ISLR2: variants seen among roughly 807,000 people sequenced by gnomAD.
The protein encoded by ISLR2 is immunoglobulin superfamily containing leucine rich repeat 2, also known as immunoglobulin superfamily containing leucine-rich repeat protein 2.
In ISLR2, 16 loss-of-function variants were observed where a neutral mutation model predicts 25.5. The ratio of observed to expected loss-of-function variants is 0.63; its 90% CI spans 0.43 to 0.95. The LOEUF (loss-of-function observed/expected upper bound fraction) is 0.95, where lower values mean the gene tolerates loss of function less well. ISLR2 is among the 40% of genes least tolerant of loss of function. ISLR2 has a pLI of 0.00. For missense variants in ISLR2, 883 were observed against 1,030.7 expected (o/e 0.86, Z 1.96); for synonymous variants, 508 against 486.6 (o/e 1.04, Z -0.58).
upstream of ISLR2, among the ~76,000 whole-genome samples, chr15:74,125,238 CGTTTTTGTTTTT>C (rs1159273655): frequency 6.6e-6 from 1 of 151,894 alleles, no homozygotes; most frequent in Non-Finnish European, 1.5e-5. Flanking sequence ...TTTTTGTTTT[CGTTTTTGTTTTT>C]GTTTTGAGAC....
chr15:74,116,322 G>T (rs1205235842), intron 2 of ISLR2, among the ~76,000 whole-genome samples: 1 of 151,768 alleles, frequency 6.6e-6, no homozygotes, highest in Non-Finnish European at 1.5e-5. Flanking sequence ...CCAGCACTTT[G>T]GGAGGCCAAG....
chr15:74,118,644 C>CTATTATTATTATTAT lies in ISLR2; in HGVS notation n.229-12546_229-12532dup, dbSNP rs112112565. Among the ~76,000 whole-genome samples the CTATTATTATTATTAT allele has an allele frequency of 1.1e-3, 158 of 145,760 alleles. 1 individual carries two copies. The highest frequency in any genetic ancestry group is 3.7e-3 in the African/African-American group (150 of 40,014). ...GCAAATGAAGGGGAAAAATCTGAAG[C>CTATTATTATTATTAT]TATTATTATTATTATTATTATTATT... On this transcript the variant is annotated intron_variant and non_coding_transcript_variant, in intron 2 of 3. Coordinates refer to the ISLR2 transcript ENST00000561975.
chr15:74,133,750 C>T lies in ISLR2; in HGVS notation c.996C>T (p.Phe332=). The change falls in exon 3 of 3, where the codon TTC becomes TTT. Residue 332 remains phenylalanine (F), a synonymous_variant. Transcript: ENST00000453268. ...CGGCGCCCCCAGCCACACCGCGCTT[C>T]CTGGCCCTCGCAAATGGCTCCCTGT... ...AWPAPPATPR[F]LALANGSLLV... is the part of the protein sequence containing the mutation. 6.2e-7 allele frequency: 1 copy of T among 1,613,298 alleles called. No individual in the cohort carries two copies. Among genetic ancestry groups the T allele is most frequent in the Non-Finnish European group, 8.5e-7 (1 of 1,179,674 alleles).
upstream of ISLR2, chr15:74,128,441 C>T (rs1391546412): frequency 2.0e-5 from 9 of 456,380 alleles, no homozygotes; most frequent in Admixed American, 9.4e-5. Flanking sequence ...ACCCCAGGAG[C>T]CCCGTCTCCC....
chr15:74,141,008 T>C (rs998119526), downstream of ISLR2, among the ~76,000 whole-genome samples: 19 of 152,204 alleles, frequency 1.2e-4, no homozygotes, highest in African/African-American at 4.6e-4. Flanking sequence ...TAAAAAGCCA[T>C]CCAAAGGCCC....
In ISLR2 at chr15:74,133,407, AG is replaced by A. The variant is rs756075798; in HGVS notation, c.658del (p.Val220CysfsTer18). On this transcript the variant is annotated frameshift_variant, in exon 3 of 3. Transcript: ENST00000453268. LOFTEE classifies it low-confidence loss of function (END_TRUNC). Reference sequence around the variant, plus strand: ...GCTTGTGCCTCGCCTCCCGCGCTGCAGGGGGTGCCGGTGTACCGCCTGCCCG... The same window carrying A: ...GCTTGTGCCTCGCCTCCCGCGCTGCAGGGGTGCCGGTGTACCGCCTGCCCG... ...SIACASPPAL[Q>X]GVPVYRLPAL... The A allele has an allele frequency of 6.2e-7, 1 of 1,607,062 alleles. No individual in the cohort carries two copies. Among genetic ancestry groups the A allele is most frequent in the Non-Finnish European group, 8.5e-7 (1 of 1,179,678 alleles).
In ISLR2 at chr15:74,134,816, G is replaced by A. The variant is rs779674534; in HGVS notation, c.2062G>A (p.Gly688Arg). Reference sequence around the variant, plus strand: ...AGACGCGGAGCAGGGAGACCCAAGTGGGGACCTGCAGAGAGAGGAGAGCCT... The same window carrying A: ...AGACGCGGAGCAGGGAGACCCAAGTAGGGACCTGCAGAGAGAGGAGAGCCT... ...DEDAEQGDPS[G>R]DLQREESLAA... Residue 688 changes from glycine (G) to arginine (R), a missense_variant, in exon 3 of 3, where the codon GGG (glycine) becomes AGG (arginine). Gly to Arg is a moderately radical substitution (Grantham distance 125, BLOSUM62 -2). This residue lies in a region of ISLR2 where 612 missense variants were observed against 642.8 expected (regional missense o/e 0.95). Transcript: ENST00000453268. 6.2e-7 allele frequency: 1 copy of A among 1,614,126 alleles called. No homozygotes were observed. Among genetic ancestry groups the A allele is most frequent in the Non-Finnish European group, 8.5e-7 (1 of 1,180,020 alleles).
chr15:74,120,858 G>C (rs760541070), intron 2 of ISLR2, among the ~76,000 whole-genome samples: 5 of 152,150 alleles, frequency 3.3e-5, no homozygotes, highest in Non-Finnish European at 7.4e-5. Context: ...TATACACCCA[G>C]CACCCTAGAC....
chr15:74,115,676 C>T (rs565679687), intron 2 of ISLR2, among the ~76,000 whole-genome samples: 3 of 151,044 alleles, frequency 2.0e-5, no homozygotes, highest in South Asian at 2.1e-4. Context: ...GCCTGGGTGA[C>T]AGAGTAAGAC....
chr15:74,133,669 T>G lies in ISLR2; in HGVS notation c.915T>G (p.Asp305Glu), dbSNP rs779957688. 2 of 1,609,956 alleles carry G rather than the reference T, an allele frequency of 1.2e-6. No individual in the cohort carries two copies. Among genetic ancestry groups the G allele is most frequent in the Non-Finnish European group, 1.7e-6 (2 of 1,178,248 alleles). Reference protein sequence around the residue: ...VGAEEGEGEGDGDLLTQTQAQ... With the variant: ...VGAEEGEGEGEGDLLTQTQAQ... The stretch of plus-strand genomic sequence containing the variant: ...CGGAGGAAGGAGAGGGAGAAGGAGA[T>G]GGGGATTTGCTGACGCAGACCCAAG... Residue 305 changes from aspartate (D) to glutamate (E), a missense_variant, in exon 3 of 3, where the codon GAT (aspartate) becomes GAG (glutamate). Around this residue, in one of 2 missense-constraint regions of ISLR2, gnomAD observed 612 missense variants for 642.8 expected, o/e 0.95. Transcript: ENST00000453268.
downstream of ISLR2, among the ~76,000 whole-genome samples, chr15:74,139,042 G>A (rs948496934): frequency 5.3e-5 from 8 of 152,148 alleles, no homozygotes; most frequent in African/African-American, 1.9e-4. Flanking sequence ...GGCCCTCCTC[G>A]AGACCCTCTA....
downstream of ISLR2, among the ~76,000 whole-genome samples, chr15:74,138,846 G>A (rs2072595373): frequency 6.6e-6 from 1 of 152,202 alleles, no homozygotes; most frequent in Admixed American, 6.5e-5. Flanking sequence ...CTACCGCTGA[G>A]CACGGGGCAA....
At chr15:74,129,741 G>C (rs902330992), upstream of ISLR2, 1 of 152,402 alleles carries the variant, frequency 6.6e-6, no homozygotes, top group African/African-American at 2.4e-5. The surrounding 1 kb of genome is among the most constrained non-coding windows in gnomAD (Gnocchi z 4.5). Flanking sequence ...TGAGACGGCG[G>C]GGCGGTGAGG....
At chr15:74,109,736 G>T (rs1234452934) in intron 2 of ISLR2, among the ~76,000 whole-genome samples, 1 of 152,182 alleles carries the variant, frequency 6.6e-6, no homozygotes, top group Non-Finnish European at 1.5e-5. Context: ...AGGTCATGGG[G>T]ATGCTGATGC....
chr15:74,137,153 CTG>C (rs941405981), downstream of ISLR2, among the ~76,000 whole-genome samples: 12 of 152,202 alleles, frequency 7.9e-5, no homozygotes, highest in African/African-American at 2.2e-4. Context: ...TCACTTGAGA[CTG>C]TCTGTGTAGT....
intron 2 of ISLR2, among the ~76,000 whole-genome samples, chr15:74,109,072 A>G (rs1346193206): frequency 6.6e-6 from 1 of 152,240 alleles, no homozygotes; most frequent in African/African-American, 2.4e-5. Context: ...AAAATTAAGA[A>G]ATATAGAAAA....
rs571248807 is a variant in ISLR2, at chr15:74,106,605, T to C, written n.228+2691T>C. Among the ~76,000 whole-genome samples the C allele has an allele frequency of 1.2e-4, 19 of 152,138 alleles. No homozygotes were observed. The East Asian group carries it at 3.3e-3, about 26-fold the overall frequency. ...CCATGCTAGGCTTCCACTGATGGGA[T>C]ATAAGTGGCCAGGGGGGTTCTTTAC... On this transcript the variant is annotated intron_variant and non_coding_transcript_variant, in intron 2 of 3. Transcript: ENST00000561975.
chr15:74,103,198 CG>C (rs2072094484), intron 1 of ISLR2, among the ~76,000 whole-genome samples: 1 of 146,136 alleles, frequency 6.8e-6, no homozygotes, highest in Admixed American at 6.9e-5. Flanking sequence ...TCTCTCAAAA[CG>C]CTCCTTGAAC....
At chr15:74,125,420 T>G (rs1295879505), upstream of ISLR2, among the ~76,000 whole-genome samples, 1 of 151,972 alleles carries the variant, frequency 6.6e-6, no homozygotes. Flanking sequence ...TTAAAAAAAA[T>G]GTAGAGATGA....
Sources: allele counts gnomAD v4.1 joint callset (sites outside exome capture counted in the v4.1 genomes callset), GRCh38; gene constraint gnomAD v4.1.1; regional missense constraint gnomAD v4.1.1; non-coding constraint Gnocchi (gnomAD v3.1); transcripts MANE v1.5; gene names NCBI Gene and HGNC (gene_info 2026-07-23, HGNC 2026-07-21).